Variants in GBP7 observed in about 807,000 individuals in gnomAD.
The protein encoded by GBP7 is guanylate-binding protein 7.
Under a neutral mutation model 61.3 loss-of-function variants are expected in GBP7, and 43 were observed. The ratio of observed to expected loss-of-function variants is 0.70; its 90% CI spans 0.55 to 0.91. GBP7 has a LOEUF of 0.91. Among genes scored for constraint, GBP7 ranks in the 40% least tolerant of loss-of-function variants. The probability of loss-of-function intolerance (pLI) is 0.00; values close to 1 mark genes in which losing one functional copy is unlikely to be tolerated. For synonymous variants in GBP7, 267 were observed against 271.0 expected, an observed-to-expected ratio of 0.99 and a Z score of 0.14; for missense variants, 717 against 740.5, an observed-to-expected ratio of 0.97 and a Z score of 0.37.
chr1:89,158,785 C>T (rs1194995699), intron 3 of GBP7, among the ~76,000 whole-genome samples: 1 of 152,060 alleles, frequency 6.6e-6, no homozygotes, highest in Non-Finnish European at 1.5e-5. Context: ...GCCCTACTGC[C>T]CAAGGTAATT....
At chr1:89,139,143 T>C (rs957780684) in intron 9 of GBP7, among the ~76,000 whole-genome samples, 5 of 152,026 alleles carry the variant, frequency 3.3e-5, no homozygotes, top group Non-Finnish European at 7.4e-5. Flanking sequence ...TAATGCCACA[T>C]ATCTACAACC....
At chr1:89,135,650 A>G (rs1295260358) in intron 9 of GBP7, among the ~76,000 whole-genome samples, 1 of 152,196 alleles carries the variant, frequency 6.6e-6, no homozygotes, top group Non-Finnish European at 1.5e-5. Context: ...TGCTAAGGGA[A>G]TTTGTTACCA....
At chr1:89,147,537 C>G in intron 8 of GBP7, 30 bp downstream of exon 8, 1 of 1,556,194 alleles carries the variant, frequency 6.4e-7, no homozygotes, top group South Asian at 1.1e-5. Flanking sequence ...TATCCTCTGT[C>G]ATCCATCCCC....
At chr1:89,152,159 G>A in intron 5 of GBP7, 109 bp downstream of exon 5, 1 of 868,698 alleles carries the variant, frequency 1.2e-6, no homozygotes, top group Non-Finnish European at 1.7e-6. Context: ...CCATGAGCAA[G>A]GGCCTCAATC....
chr1:89,158,350 T>A (rs1170757266), intron 3 of GBP7, among the ~76,000 whole-genome samples: 1 of 152,182 alleles, frequency 6.6e-6, no homozygotes, highest in African/African-American at 2.4e-5. Flanking sequence ...GTGTTGGAAG[T>A]TCTGGCCAGG....
At chr1:89,170,964 C>A (rs1434367953) in intron 2 of GBP7, among the ~76,000 whole-genome samples, 3 of 152,224 alleles carry the variant, frequency 2.0e-5, no homozygotes, top group African/African-American at 7.2e-5. Context: ...ATCCTGTAAA[C>A]CAATGAACTT....
At chr1:89,158,343 T>G (rs902243235) in intron 3 of GBP7, among the ~76,000 whole-genome samples, 1 of 152,236 alleles carries the variant, frequency 6.6e-6, no homozygotes, top group African/African-American at 2.4e-5. Flanking sequence ...CAACATAGTG[T>G]TGGAAGTTCT....
chr1:89,164,986 G>T, intron 2 of GBP7, 128 bp from the exon 3 acceptor site: 1 of 841,892 alleles, frequency 1.2e-6, no homozygotes, highest in Non-Finnish European at 1.8e-6. Flanking sequence ...TTTCAGCAAA[G>T]ACAATCAATC....
chr1:89,159,614 A>C (rs591900), intron 3 of GBP7, among the ~76,000 whole-genome samples: 5 of 152,060 alleles, frequency 3.3e-5, no homozygotes, highest in African/African-American at 4.8e-5. Flanking sequence ...TGAAAAAATG[A>C]TCATCATCAC....
chr1:89,153,687 G>T (rs1330748620), intron 3 of GBP7, among the ~76,000 whole-genome samples: 1 of 152,096 alleles, frequency 6.6e-6, no homozygotes, highest in Non-Finnish European at 1.5e-5. Context: ...CAACCAAGAT[G>T]ATAACTTCTG....
intron 8 of GBP7, among the ~76,000 whole-genome samples, chr1:89,142,140 A>G (rs1339581534): frequency 6.6e-6 from 1 of 152,238 alleles, no homozygotes; most frequent in Non-Finnish European, 1.5e-5. Context: ...TAGTTCATTA[A>G]AAGTAAACAA....
chr1:89,134,617 AAAAC>A (rs1681754944), intron 9 of GBP7, among the ~76,000 whole-genome samples: 1 of 151,746 alleles, frequency 6.6e-6, no homozygotes, highest in African/African-American at 2.4e-5. Flanking sequence ...AAAAAAAAAA[AAAAC>A]CCAGTCAGAT....
At position 89,164,608 on chromosome 1, in the gene GBP7, C is replaced by T. The variant is rs1298237769; in HGVS notation, c.318+123G>A. On this transcript the variant is annotated intron_variant, in intron 3 of 10. Coordinates refer to ENST00000294671, the MANE Select transcript of GBP7 (RefSeq NM_207398.3). ...GTAAGTTCCAGAAAATGAAATTTAG[C>T]TTTGTTTCCCATAATCAGATTTGTG... 7.1e-6 allele frequency: 7 copies of T among 988,454 alleles called. No individual in the cohort carries two copies. The Middle Eastern group carries it at 1.4e-3, about 203-fold the overall frequency. The allele number at this position is 988,454 out of a possible 1,614,324, so 61.2% of individuals were successfully genotyped here.
At chr1:89,137,946 A>G (rs761555362) in intron 9 of GBP7, among the ~76,000 whole-genome samples, 15 of 152,144 alleles carry the variant, frequency 9.9e-5, no homozygotes, top group Non-Finnish European at 2.1e-4. Context: ...AACATCAGCA[A>G]AGTTTCAGGA....
At chr1:89,151,117 A>T (rs35821157) in intron 5 of GBP7, among the ~76,000 whole-genome samples, 5,268 of 152,214 alleles carry the variant, frequency 0.035, 211 homozygotes, top group Admixed American at 0.14. Flanking sequence ...CAATATTGTT[A>T]AGGATAGTTC....
At chr1:89,146,595 A>G (rs1477625959) in intron 8 of GBP7, among the ~76,000 whole-genome samples, 1 of 152,192 alleles carries the variant, frequency 6.6e-6, no homozygotes, top group Non-Finnish European at 1.5e-5. Flanking sequence ...ACAAAACAAA[A>G]TACAACAAAA....
chr1:89,150,574 G>T lies in GBP7; in HGVS notation c.627C>A (p.Gly209=), dbSNP rs1465954170. ...TAGAATTTTGGATTTGGGGATTCTT[G>T]CCTGCAGAATTAGTGAAAAAGTGAC... ...YLENALKLIS[G]KNPQIQNSNK... The change falls in exon 6 of 11, where the codon GGC becomes GGA. Residue 209 remains glycine (G), a splice_region_variant and synonymous_variant. Transcript: ENST00000294671. The T allele has an allele frequency of 6.2e-7, 1 of 1,613,114 alleles. No individual in the cohort carries two copies. The highest frequency in any genetic ancestry group is 1.7e-5 in the Admixed American group (1 of 59,900).
intron 7 of GBP7, among the ~76,000 whole-genome samples, chr1:89,148,031 G>C (rs578133341): frequency 6.6e-6 from 1 of 152,158 alleles, no homozygotes; most frequent in Admixed American, 6.5e-5. Context: ...CAACAAGCAA[G>C]GGACAATTCA....
intron 10 of GBP7, 101 bp downstream of exon 10, chr1:89,133,157 G>T: frequency 1.2e-6 from 1 of 800,130 alleles, no homozygotes; most frequent in Non-Finnish European, 2.1e-6. Context: ...TATCTTTTGT[G>T]TTTCCTTCTG....
Sources: allele counts gnomAD v4.1 joint callset (sites outside exome capture counted in the v4.1 genomes callset), GRCh38; gene constraint gnomAD v4.1.1; transcripts MANE v1.5; gene names NCBI Gene and HGNC (gene_info 2026-07-23, HGNC 2026-07-21).